The following RBFOX1 variants were observed in gnomAD, a reference collection of about 807,000 sequenced individuals.
RBFOX1 encodes the protein RNA binding fox-1 homolog 1, also known as RNA binding protein fox-1 homolog 1.
In RBFOX1, 8 loss-of-function variants were observed where a neutral mutation model predicts 57.7. The observed-to-expected ratio is 0.14, with a 90% CI of 0.08 to 0.25. The LOEUF is 0.25. Among genes scored for constraint, RBFOX1 ranks in the 10% least tolerant of loss-of-function variants. The pLI is 1.00. For synonymous variants in RBFOX1, 326 were observed against 222.4 expected (o/e 1.47, Z -4.15); for missense variants, 611 against 548.5 (o/e 1.11, Z -1.14).
At chr16:6,231,075 G>A (rs949525684) in intron 1 of RBFOX1, among the ~76,000 whole-genome samples, 2 of 152,070 alleles carry the variant, frequency 1.3e-5, no homozygotes, top group Non-Finnish European at 2.9e-5. Context: ...ATTAAAGAAG[G>A]GTCTATTTGG....
chr16:5,965,923 C>G (rs1475986592), intron 4 of RBFOX1, among the ~76,000 whole-genome samples: 2 of 152,106 alleles, frequency 1.3e-5, no homozygotes, highest in African/African-American at 4.8e-5. Flanking sequence ...CTGAGATACC[C>G]TCCCCAGAAG....
At chr16:5,901,366 G>A (rs1032617856) in intron 4 of RBFOX1, among the ~76,000 whole-genome samples, 4 of 152,080 alleles carry the variant, frequency 2.6e-5, no homozygotes, top group Admixed American at 6.6e-5. Flanking sequence ...TGTAGCTGGC[G>A]ATGACTTCCC....
chr16:5,258,657 C>A (rs1293143902), intron 1 of RBFOX1, among the ~76,000 whole-genome samples: 4 of 152,186 alleles, frequency 2.6e-5, no homozygotes, highest in Admixed American at 2.6e-4. Flanking sequence ...GTGGCTCACA[C>A]CTGTAATCCC....
intron 3 of RBFOX1, among the ~76,000 whole-genome samples, chr16:5,644,394 C>T (rs930317484): frequency 6.6e-6 from 1 of 152,130 alleles, no homozygotes; most frequent in Non-Finnish European, 1.5e-5. Context: ...AAAGGAAATG[C>T]CCATGGTAGA....
chr16:5,783,725 C>G (rs906522663), intron 3 of RBFOX1, among the ~76,000 whole-genome samples: 3 of 152,200 alleles, frequency 2.0e-5, no homozygotes, highest in Non-Finnish European at 4.4e-5. Flanking sequence ...AAAATTCCAG[C>G]CTGCTGATGT....
chr16:7,328,329 A>T (rs917948752), intron 4 of RBFOX1, among the ~76,000 whole-genome samples: 3 of 151,798 alleles, frequency 2.0e-5, no homozygotes, highest in African/African-American at 2.4e-5. Flanking sequence ...AAAATACAAA[A>T]ATTAGGCAGG....
intron 4 of RBFOX1, among the ~76,000 whole-genome samples, chr16:7,281,485 C>G (rs2095542570): frequency 6.6e-6 from 1 of 152,036 alleles, no homozygotes; most frequent in East Asian, 1.9e-4. Context: ...ATATCTCTCC[C>G]AAGTTTGTAG....
intron 3 of RBFOX1, among the ~76,000 whole-genome samples, chr16:6,809,167 C>T (rs11859954): frequency 0.013 from 2,027 of 152,330 alleles, 53 homozygotes; most frequent in African/African-American, 0.046. Context: ...TTCTGTAAGT[C>T]ATTTCCCTTT....
chr16:7,626,458 C>G (rs565779138), intron 10 of RBFOX1, among the ~76,000 whole-genome samples: 1 of 152,238 alleles, frequency 6.6e-6, no homozygotes, highest in East Asian at 1.9e-4. Context: ...TGTGGGGATG[C>G]CGATGATCCC....
intron 2 of RBFOX1, among the ~76,000 whole-genome samples, chr16:6,590,030 G>T (rs1400038390): frequency 6.6e-6 from 1 of 152,078 alleles, no homozygotes. Flanking sequence ...CTTGGTTGGG[G>T]ATCTCTTGGC....
rs543776795 is a variant in RBFOX1 at position 7,477,539 on chromosome 16, A to C, written c.28-40608A>C. Among the ~76,000 whole-genome samples the C allele has an allele frequency of 2.0e-5, 3 of 152,306 alleles. No individual in the cohort carries two copies. The South Asian group carries it at 6.2e-4, about 32-fold the overall frequency. On this transcript the variant is annotated intron_variant, in intron 4 of 15. Transcript: ENST00000550418. Reference sequence around the variant, plus strand: ...TTATTGCCTGGCTGACTCCCCAAAGAGAAAATGTACTAAGCGAACTTGACA... The same window carrying C: ...TTATTGCCTGGCTGACTCCCCAAAGCGAAAATGTACTAAGCGAACTTGACA...
At chr16:6,312,693 CTTCCTTCCTTCCTTCCTTCCTCCA>C (rs2080508482) in intron 1 of RBFOX1, among the ~76,000 whole-genome samples, 4 of 147,442 alleles carry the variant, frequency 2.7e-5, no homozygotes, top group Admixed American at 2.1e-4. Flanking sequence ...TCCTTCCTTC[CTTCCTTCCTTCCTTCCTTCCTCCA>C]TTCCTTCCTT....
chr16:7,666,959 T>C (rs747550166), intron 13 of RBFOX1, among the ~76,000 whole-genome samples: 1 of 152,180 alleles, frequency 6.6e-6, no homozygotes, highest in Non-Finnish European at 1.5e-5. Flanking sequence ...TTGTCTGATA[T>C]GTTTGTTCAT....
At chr16:6,082,425 C>T (rs1286536556) in intron 1 of RBFOX1, among the ~76,000 whole-genome samples, 1 of 138,208 alleles carries the variant, frequency 7.2e-6, no homozygotes, top group Non-Finnish European at 1.5e-5. Flanking sequence ...GAACTCCTGA[C>T]CTCAGAGTGC....
chr16:7,418,911 T>A (rs192872996), intron 4 of RBFOX1, among the ~76,000 whole-genome samples: 5 of 152,148 alleles, frequency 3.3e-5, no homozygotes, highest in African/African-American at 1.2e-4. Context: ...CTGTTTGTTT[T>A]GTTTTGTTTT....
intron 3 of RBFOX1, among the ~76,000 whole-genome samples, chr16:5,835,628 G>T (rs1309245412): frequency 2.6e-5 from 4 of 152,150 alleles, no homozygotes; most frequent in African/African-American, 9.7e-5. Context: ...GGTTTCTGCA[G>T]GATTCTGAAG....
At chr16:7,193,703 G>T (rs939786269) in intron 4 of RBFOX1, among the ~76,000 whole-genome samples, 3 of 152,212 alleles carry the variant, frequency 2.0e-5, no homozygotes, top group Non-Finnish European at 2.9e-5. Flanking sequence ...TGACAAAGCA[G>T]ATGCTTAGTC....
chr16:6,579,155 C>A (rs776761026), intron 2 of RBFOX1, among the ~76,000 whole-genome samples: 1 of 152,044 alleles, frequency 6.6e-6, no homozygotes, highest in Non-Finnish European at 1.5e-5. Context: ...ATGTTTTATG[C>A]CAAGCTGTTC....
At chr16:5,689,295 A>G (rs2050597052) in intron 3 of RBFOX1, among the ~76,000 whole-genome samples, 1 of 152,232 alleles carries the variant, frequency 6.6e-6, no homozygotes, top group Non-Finnish European at 1.5e-5. Context: ...TAATGTGGGT[A>G]TCATAATGGT....
Sources: gnomAD v4.1 joint callset for allele counts (sites outside exome capture counted in the v4.1 genomes callset) on GRCh38, gnomAD v4.1.1 for gene constraint, MANE v1.5 for transcripts, NCBI Gene and HGNC (gene_info 2026-07-23, HGNC 2026-07-21) for gene names.